Variants in PDZRN3 observed in about 807,000 individuals in gnomAD.
PDZRN3 encodes the protein E3 ubiquitin-protein ligase PDZRN3.
A neutral mutation model predicts 85.7 loss-of-function variants in PDZRN3; 38 were observed. That is an observed-to-expected ratio of 0.44 (90% CI 0.34 to 0.58). The LOEUF (loss-of-function observed/expected upper bound fraction) is 0.58, where lower values mean the gene tolerates loss of function less well. Ranked by LOEUF, PDZRN3 falls within the 20% of genes least tolerant of loss-of-function variation. The probability of loss-of-function intolerance (pLI) is 0.01; values close to 1 mark genes in which losing one functional copy is unlikely to be tolerated. For missense variants in PDZRN3, 1,629 were observed against 1,506.4 expected (o/e 1.08, Z -1.35); for synonymous variants, 759 against 638.0 (o/e 1.19, Z -2.86).
At chr3:73,605,067 A>G (rs1702576319) in intron 2 of PDZRN3, among the ~76,000 whole-genome samples, 3 of 152,218 alleles carry the variant, frequency 2.0e-5, no homozygotes, top group Admixed American at 2.0e-4. Flanking sequence ...GCAATACAAA[A>G]ATTTAGCCGA....
chr3:73,506,459 C>G (rs1704071595), intron 3 of PDZRN3, among the ~76,000 whole-genome samples: 2 of 152,054 alleles, frequency 1.3e-5, no homozygotes, highest in Admixed American at 1.3e-4. Context: ...ACATAAGCAA[C>G]TGCACCAAAG....
At chr3:73,500,553 C>T (rs751524041) in intron 3 of PDZRN3, among the ~76,000 whole-genome samples, 1 of 152,112 alleles carries the variant, frequency 6.6e-6, no homozygotes, top group Non-Finnish European at 1.5e-5. Flanking sequence ...AGTGTTGTTG[C>T]CAGAATAATC....
At chr3:73,406,225 A>ATGTT (rs1180704327) in intron 3 of PDZRN3, among the ~76,000 whole-genome samples, 2 of 152,236 alleles carry the variant, frequency 1.3e-5, no homozygotes, top group Non-Finnish European at 2.9e-5. Context: ...GACTGTTGCC[A>ATGTT]TGTTTCTCCC....
At chr3:73,464,189 G>A (rs1255435773) in intron 3 of PDZRN3, among the ~76,000 whole-genome samples, 4 of 152,086 alleles carry the variant, frequency 2.6e-5, no homozygotes, top group African/African-American at 9.7e-5. Context: ...GTTTCACCAT[G>A]TTGGCCAGGC....
chr3:73,464,704 A>T (rs906904979), intron 3 of PDZRN3, among the ~76,000 whole-genome samples: 4 of 152,190 alleles, frequency 2.6e-5, no homozygotes. Flanking sequence ...GTCTCTTTTT[A>T]AAAAAATCTG....
intron 5 of PDZRN3, among the ~76,000 whole-genome samples, chr3:73,399,965 TCTA>T (rs1204965002): frequency 3.9e-5 from 6 of 152,224 alleles, no homozygotes; most frequent in Admixed American, 1.3e-4. Context: ...ATAGCTGTTT[TCTA>T]CTATTTGACT....
intron 3 of PDZRN3, among the ~76,000 whole-genome samples, chr3:73,458,968 G>GTTT (rs1703044845): frequency 6.7e-6 from 1 of 149,442 alleles, no homozygotes; most frequent in Non-Finnish European, 1.5e-5. Flanking sequence ...CTCCAGCCCG[G>GTTT]GCAACAGAGC....
chr3:73,475,518 T>G (rs1370487252), intron 3 of PDZRN3, among the ~76,000 whole-genome samples: 2 of 152,096 alleles, frequency 1.3e-5, no homozygotes, highest in Non-Finnish European at 2.9e-5. Flanking sequence ...AATAAACCTC[T>G]CAAAGTTGTA....
At chr3:73,606,089 C>T (rs533306589) in intron 2 of PDZRN3, among the ~76,000 whole-genome samples, 1 of 152,330 alleles carries the variant, frequency 6.6e-6, no homozygotes, top group African/African-American at 2.4e-5. Context: ...CACTTGGCCA[C>T]AGGCCTCTCC....
At chr3:73,490,948 C>T (rs1171540173) in intron 3 of PDZRN3, among the ~76,000 whole-genome samples, 1 of 152,220 alleles carries the variant, frequency 6.6e-6, no homozygotes, top group Non-Finnish European at 1.5e-5. Context: ...CTATTTCCTG[C>T]CCCTCTCATG....
In PDZRN3 at chr3:73,464,892, C is replaced by T. The variant is rs542901343; in HGVS notation, c.919-60497G>A. 2.6e-5 allele frequency among the ~76,000 whole-genome samples: 4 copies of T among 152,042 alleles called. No homozygotes were observed. In the South Asian group the frequency reaches 6.2e-4, roughly 24 times the overall value. ...GGTGAGAATACTTAAAACCTACTCTCTTACCACTTTTCAAGAATACAATAT... is the reference window on the plus strand; with the variant it reads ...GGTGAGAATACTTAAAACCTACTCTTTTACCACTTTTCAAGAATACAATAT... On this transcript the variant is annotated intron_variant, in intron 3 of 9. Coordinates refer to ENST00000263666, the MANE Select transcript of PDZRN3 (RefSeq NM_015009.3).
chr3:73,525,866 T>G (rs906149799), intron 3 of PDZRN3, among the ~76,000 whole-genome samples: 1 of 152,230 alleles, frequency 6.6e-6, no homozygotes, highest in Non-Finnish European at 1.5e-5. Flanking sequence ...CTTTCCTTCA[T>G]GGCACTTAGC....
At chr3:73,537,969 A>C (rs969117703) in intron 3 of PDZRN3, among the ~76,000 whole-genome samples, 2 of 152,122 alleles carry the variant, frequency 1.3e-5, no homozygotes, top group Non-Finnish European at 2.9e-5. Flanking sequence ...CCTTTTTTCC[A>C]GGTATCATAG....
chr3:73,575,337 G>T (rs957284405), intron 3 of PDZRN3, among the ~76,000 whole-genome samples: 9 of 152,040 alleles, frequency 5.9e-5, no homozygotes, highest in African/African-American at 2.2e-4. Context: ...CTCCCAGAAG[G>T]TTCAGAGACC....
rs1339507585 is a variant in PDZRN3, at chr3:73,624,478, A to G, written c.348T>C (p.Gly116=). 2.1e-6 allele frequency: 3 copies of G among 1,396,190 alleles called. No individual in the cohort carries two copies. In the East Asian group the frequency reaches 9.2e-5, roughly 43 times the overall value. 86.5% of individuals were successfully genotyped at this position (1,396,190 alleles called of 1,614,324 possible). The change falls in exon 1 of 10, where the codon GGT becomes GGC. Residue 116 remains glycine (G), a synonymous_variant. Transcript: ENST00000263666. ...DFAPARCRHA[G]CGQVLLRRDV... is the part of the protein sequence containing the mutation. ...CGCGCCGCAGCAGCACCTGGCCGCA[A>G]CCCGCGTGGCGACAGCGCGCGGGCG...
At chr3:73,510,471 A>G (rs1439427923) in intron 3 of PDZRN3, among the ~76,000 whole-genome samples, 1 of 152,214 alleles carries the variant, frequency 6.6e-6, no homozygotes, top group Non-Finnish European at 1.5e-5. Context: ...GTTATAGGGG[A>G]ATAAATAAAG....
intron 3 of PDZRN3, among the ~76,000 whole-genome samples, chr3:73,545,677 A>C (rs1480670644): frequency 1.3e-5 from 2 of 152,134 alleles, no homozygotes; most frequent in African/African-American, 4.8e-5. Context: ...CAGTTTTGAG[A>C]CTCTATCAAC....
intron 3 of PDZRN3, among the ~76,000 whole-genome samples, chr3:73,455,999 A>G (rs1262971294): frequency 6.6e-6 from 1 of 152,212 alleles, no homozygotes; most frequent in African/African-American, 2.4e-5. Flanking sequence ...AATAATAACC[A>G]TTTCTTCTGG....
At chr3:73,507,651 A>C (rs1704091024) in intron 3 of PDZRN3, among the ~76,000 whole-genome samples, 1 of 152,232 alleles carries the variant, frequency 6.6e-6, no homozygotes, top group South Asian at 2.1e-4. Context: ...TCTAATTAGA[A>C]TCAGCCATAT....
Sources: allele counts gnomAD v4.1 joint callset (sites outside exome capture counted in the v4.1 genomes callset), GRCh38; gene constraint gnomAD v4.1.1; transcripts MANE v1.5; gene names NCBI Gene and HGNC (gene_info 2026-07-23, HGNC 2026-07-21).